MAGI2: variants seen among roughly 807,000 people sequenced by gnomAD.
The protein encoded by MAGI2 is membrane-associated guanylate kinase, WW and PDZ domain-containing protein 2.
A neutral mutation model predicts 133.3 loss-of-function variants in MAGI2; 35 were observed. The ratio of observed to expected loss-of-function variants is 0.26; its 90% confidence interval spans 0.20 to 0.35. The LOEUF is 0.35. Ranked by LOEUF, MAGI2 falls within the 10% of genes least tolerant of loss-of-function variation. The probability of loss-of-function intolerance (pLI) is 1.00; values close to 1 mark genes in which losing one functional copy is unlikely to be tolerated. For synonymous variants in MAGI2, 729 were observed against 710.6 expected (o/e 1.03, Z -0.41); for missense variants, 1,636 against 1,863.4 (o/e 0.88, Z 2.25).
At chr7:78,153,361 T>C (rs549420257) in intron 16 of MAGI2, among the ~76,000 whole-genome samples, 8 of 152,232 alleles carry the variant, frequency 5.3e-5, no homozygotes, top group Admixed American at 5.2e-4. Flanking sequence ...CAGTTGGGGA[T>C]GGTTGGGTGA....
At chr7:78,062,427 C>T (rs1192982460) in intron 21 of MAGI2, among the ~76,000 whole-genome samples, 1 of 152,234 alleles carries the variant, frequency 6.6e-6, no homozygotes, top group Admixed American at 6.5e-5. Context: ...CGCCAGTCCT[C>T]TCCACTCCTT....
intron 1 of MAGI2, among the ~76,000 whole-genome samples, chr7:79,425,579 TATATATATA>T (rs869219088): frequency 4.4e-5 from 3 of 67,592 alleles, no homozygotes; most frequent in East Asian, 4.1e-4. Context: ...ATAAGGGTTT[TATATATATA>T]TATATATATA....
intron 2 of MAGI2, among the ~76,000 whole-genome samples, chr7:78,910,920 A>G (rs890014148): frequency 1.3e-5 from 2 of 152,210 alleles, no homozygotes; most frequent in Non-Finnish European, 2.9e-5. Context: ...CCTTTGCTAC[A>G]TACACACATT....
intron 1 of MAGI2, among the ~76,000 whole-genome samples, chr7:79,256,397 A>T (rs1023693074): frequency 4.6e-5 from 7 of 151,562 alleles, no homozygotes; most frequent in Non-Finnish European, 7.4e-5. Context: ...ACATTTGTTC[A>T]TTGCTCAGGA....
At chr7:78,758,003 T>C (rs867569923) in intron 2 of MAGI2, among the ~76,000 whole-genome samples, 1 of 152,212 alleles carries the variant, frequency 6.6e-6, no homozygotes, top group African/African-American at 2.4e-5. Context: ...CAAAGGTTTC[T>C]GTACCTTTCC....
intron 2 of MAGI2, among the ~76,000 whole-genome samples, chr7:78,838,221 T>C (rs892915142): frequency 6.6e-6 from 1 of 152,120 alleles, no homozygotes; most frequent in Non-Finnish European, 1.5e-5. Context: ...GTCGCTGTCT[T>C]TGTAGATGTT....
chr7:79,119,557 T>C (rs1173200488), intron 1 of MAGI2, among the ~76,000 whole-genome samples: 1 of 152,116 alleles, frequency 6.6e-6, no homozygotes, highest in Admixed American at 6.6e-5. Flanking sequence ...TTTCAAGCTT[T>C]CTTTTTGTTA....
chr7:78,262,192 A>G (rs1482569946), intron 9 of MAGI2, among the ~76,000 whole-genome samples: 1 of 152,170 alleles, frequency 6.6e-6, no homozygotes, highest in Non-Finnish European at 1.5e-5. Flanking sequence ...ATTATTATAT[A>G]TACCCATCAA....
chr7:79,263,920 T>C (rs1834258109), intron 1 of MAGI2, among the ~76,000 whole-genome samples: 1 of 152,224 alleles, frequency 6.6e-6, no homozygotes, highest in East Asian at 1.9e-4. Flanking sequence ...AAAAACCACA[T>C]GTGAGAGTAT....
chr7:79,316,657 C>T lies in MAGI2; in HGVS notation c.301+136363G>A, dbSNP rs564600561. ...CATTTTCTTATCCTGTCCCTCCATC[C>T]TCTTCTAATTTTGAGACTAATGTTG... is the stretch of plus-strand genomic sequence containing the variant. On this transcript the variant is annotated intron_variant, in intron 1 of 21. Transcript: ENST00000354212. 1.3e-3 allele frequency among the ~76,000 whole-genome samples: 192 copies of T among 152,294 alleles called. 3 individuals are homozygous for T. The highest frequency in any genetic ancestry group is 2.2e-3 in the Non-Finnish European group (147 of 68,032).
chr7:78,631,033 T>C (rs1272004620), intron 2 of MAGI2, among the ~76,000 whole-genome samples: 1 of 152,044 alleles, frequency 6.6e-6, no homozygotes, highest in African/African-American at 2.4e-5. Context: ...TCATGGTGGC[T>C]GAGCACATCT....
At chr7:78,295,635 G>A (rs1797152612) in intron 9 of MAGI2, among the ~76,000 whole-genome samples, 1 of 152,110 alleles carries the variant, frequency 6.6e-6, no homozygotes, top group South Asian at 2.1e-4. Context: ...GCAATTGCTA[G>A]TCCCTTGTTC....
At chr7:79,319,188 G>T (rs1451747232) in intron 1 of MAGI2, among the ~76,000 whole-genome samples, 2 of 151,990 alleles carry the variant, frequency 1.3e-5, no homozygotes, top group Admixed American at 1.3e-4. Context: ...GGTAAGTTTG[G>T]GATGTTTGCC....
At chr7:78,879,391 C>T (rs1312817861) in intron 2 of MAGI2, among the ~76,000 whole-genome samples, 1 of 152,166 alleles carries the variant, frequency 6.6e-6, no homozygotes, top group African/African-American at 2.4e-5. Context: ...GGCTCTTACC[C>T]ATCAGTGCAA....
At chr7:78,257,994 A>G (rs1206504137) in intron 9 of MAGI2, among the ~76,000 whole-genome samples, 1 of 152,222 alleles carries the variant, frequency 6.6e-6, no homozygotes, top group African/African-American at 2.4e-5. Context: ...GGTGTATAAC[A>G]TAAAATGAAT....
intron 1 of MAGI2, among the ~76,000 whole-genome samples, chr7:79,379,483 A>T (rs1222835137): frequency 6.6e-6 from 1 of 151,830 alleles, no homozygotes; most frequent in Non-Finnish European, 1.5e-5. Context: ...ACCCAGTAAT[A>T]GGATGCCTGG....
chr7:78,597,079 A>T (rs115375459), intron 3 of MAGI2, among the ~76,000 whole-genome samples: 1,590 of 152,298 alleles, frequency 0.01, 43 homozygotes, highest in African/African-American at 0.036. Flanking sequence ...ATGCAATAAA[A>T]GTTAGAGAAA....
chr7:78,181,061 A>C (rs1269450944), intron 13 of MAGI2, among the ~76,000 whole-genome samples: 1 of 151,216 alleles, frequency 6.6e-6, no homozygotes, highest in African/African-American at 2.4e-5. Flanking sequence ...GGGAGACATC[A>C]TTCTTTTTCC....
intron 1 of MAGI2, among the ~76,000 whole-genome samples, chr7:79,060,093 T>A (rs531411404): frequency 4.4e-4 from 67 of 152,210 alleles, no homozygotes; most frequent in South Asian, 1.0e-3. Context: ...GGCCTTTTTT[T>A]ATCTTACTGC....
Sources: gnomAD v4.1 joint callset for allele counts (sites outside exome capture counted in the v4.1 genomes callset) on GRCh38, gnomAD v4.1.1 for gene constraint, MANE v1.5 for transcripts, NCBI Gene and HGNC (gene_info 2026-07-23, HGNC 2026-07-21) for gene names.